The following ZNF268 variants were observed in gnomAD, a reference collection of about 807,000 sequenced individuals.
The protein encoded by ZNF268 is zinc finger protein 268, also known as zinc finger protein 3.
In ZNF268, 20 loss-of-function variants were observed where a neutral mutation model predicts 29.3. The ratio of observed to expected loss-of-function variants is 0.68; its 90% confidence interval spans 0.48 to 0.99. The LOEUF is 0.99. ZNF268 is among the 50% of genes least tolerant of loss of function. The pLI is 0.00. For synonymous variants in ZNF268, 429 were observed against 376.9 expected, an observed-to-expected ratio of 1.14 and a Z score of -1.60; for missense variants, 1,240 against 1,121.6, an observed-to-expected ratio of 1.11 and a Z score of -1.51.
rs925940363 is a variant in ZNF268 at position 133,212,367 on chromosome 12, C to A, written c.*7837C>A. On this transcript the variant is annotated 3_prime_UTR_variant, in exon 6 of 6. Coordinates refer to ENST00000536435, the MANE Select transcript of ZNF268 (RefSeq NM_003415.3). ...ATGAACAAAAAGGCCACTTATCACT[C>A]CAGGAGAGCAGGGTGTTCTTTCATC... is the stretch of plus-strand genomic sequence containing the variant. 2 of 150,324 alleles carry A rather than the reference C, an allele frequency of 1.3e-5. No individual in the cohort carries two copies. The highest frequency in any genetic ancestry group is 6.7e-5 in the Admixed American group (1 of 15,008). 9.3% of individuals were successfully genotyped at this position (150,324 alleles called of 1,614,324 possible).
At chr12:133,189,590 T>C (rs1956413052) in intron 3 of ZNF268, among the ~76,000 whole-genome samples, 1 of 152,206 alleles carries the variant, frequency 6.6e-6, no homozygotes, top group African/African-American at 2.4e-5. Context: ...ATTGACCATG[T>C]ATCCTGTGAC....
chr12:133,212,481 ATATATATATATATATATG>A lies in ZNF268; in HGVS notation c.*7960_*7977del, dbSNP rs1246661429. ...TATATATATATATATATATATATAT[ATATATATATATATATATG>A]TATATATACACACACACATACACAC... is the stretch of plus-strand genomic sequence containing the variant. On this transcript the variant is annotated 3_prime_UTR_variant, in exon 6 of 6. Transcript: ENST00000536435. 0.038 allele frequency: 731 copies of A among 19,078 alleles called. 14 individuals carry two copies. The highest frequency in any genetic ancestry group is 0.19 in the African/African-American group (535 of 2,842). 1.2% of individuals were successfully genotyped at this position (19,078 alleles called of 1,614,324 possible).
intron 5 of ZNF268, chr12:133,193,451 G>C: frequency 2.9e-6 from 2 of 692,662 alleles, no homozygotes; most frequent in East Asian, 5.4e-5. Context: ...AAAGTCCAAA[G>C]CCAAGGTGCT....
chr12:133,200,215 C>T (rs1320325438), intron 5 of ZNF268, among the ~76,000 whole-genome samples: 2 of 152,114 alleles, frequency 1.3e-5, no homozygotes, highest in East Asian at 3.8e-4. Flanking sequence ...CCCAGAGATT[C>T]TGGTATGTTG....
chr12:133,213,226 C>T lies in ZNF268; in HGVS notation c.*8696C>T, dbSNP rs1195277338. 2 of 152,152 alleles carry T rather than the reference C, an allele frequency of 1.3e-5. No individual in the cohort carries two copies. The highest frequency in any genetic ancestry group is 2.9e-5 in the Non-Finnish European group (2 of 68,036). 9.4% of individuals were successfully genotyped at this position (152,152 alleles called of 1,614,324 possible). On this transcript the variant is annotated 3_prime_UTR_variant, in exon 6 of 6. Coordinates refer to ENST00000536435, the MANE Select transcript of ZNF268 (RefSeq NM_003415.3). ...TCATTGTGGTTTTGATTTTCCTTTA[C>T]CTAATGGCTAGTGATGTTGAAAATC...
At position 133,202,974 on chromosome 12, in the gene ZNF268, A is replaced by T; in HGVS notation, c.1288A>T (p.Asn430Tyr). Residue 430 changes from asparagine to tyrosine, a missense_variant, in exon 6 of 6, where the codon AAC becomes TAC. By Grantham distance (143) the Asn-to-Tyr change is moderately radical. Around this residue, in one of 3 missense-constraint regions of ZNF268, gnomAD observed 1,177 missense variants for 1,039.6 expected, o/e 1.13. Transcript: ENST00000536435. ...TCAGAAAGCCTTTAATACAAAGTCAAACCTTATGGTACATCAGAGAACCCA... is the reference window on the plus strand; with the variant it reads ...TCAGAAAGCCTTTAATACAAAGTCATACCTTATGGTACATCAGAGAACCCA... The part of the protein sequence containing the change: ...ECQKAFNTKS[N>Y]LMVHQRTHTG... 1 of 1,548,508 alleles carries T rather than the reference A, an allele frequency of 6.5e-7. No individual in the cohort carries two copies. Among genetic ancestry groups the T allele is most frequent in the Non-Finnish European group, 8.7e-7 (1 of 1,152,078 alleles).
chr12:133,190,856 G>C (rs1406039054), intron 3 of ZNF268, among the ~76,000 whole-genome samples: 1 of 152,040 alleles, frequency 6.6e-6, no homozygotes, highest in Non-Finnish European at 1.5e-5. Context: ...GCTTCTTGGT[G>C]GCAGGACTGT....
intron 5 of ZNF268, among the ~76,000 whole-genome samples, chr12:133,195,350 C>T (rs565471063): frequency 6.6e-6 from 1 of 152,260 alleles, no homozygotes; most frequent in South Asian, 2.1e-4. Flanking sequence ...GGTCTCGAAT[C>T]ATGTTTAAAT....
At position 133,203,700 on chromosome 12, in the gene ZNF268, C is replaced by A; in HGVS notation, c.2014C>A (p.Gln672Lys). Reference protein sequence around the residue: ...HTGVKPYGCSQCAKTFSLKSQ... With the variant: ...HTGVKPYGCSKCAKTFSLKSQ... ...TGGAGTAAAACCCTATGGATGCAGT[C>A]AATGTGCAAAAACCTTTAGTTTGAA... The change falls in exon 6 of 6, where the codon CAA (glutamine) becomes AAA (lysine). Residue 672 changes from glutamine to lysine, a missense_variant. Gln to Lys is a moderately conservative substitution (Grantham distance 53). This residue lies in a region of ZNF268 where 1,177 missense variants were observed against 1,039.6 expected (regional missense o/e 1.13). Coordinates refer to ENST00000536435, the MANE Select transcript of ZNF268 (RefSeq NM_003415.3). The A allele has an allele frequency of 6.5e-7, 1 of 1,546,856 alleles. No individual in the cohort carries two copies. Among genetic ancestry groups the A allele is most frequent in the Non-Finnish European group, 8.7e-7 (1 of 1,151,926 alleles).
intron 3 of ZNF268, 106 bp from the exon 4 acceptor site, chr12:133,191,382 AT>A: frequency 1.5e-6 from 2 of 1,328,588 alleles, no homozygotes; most frequent in Non-Finnish European, 2.1e-6. Flanking sequence ...TTTCAATACA[AT>A]TTTTGTTCTC....
intron 2 of ZNF268, among the ~76,000 whole-genome samples, chr12:133,186,568 G>A (rs1468438819): frequency 1.3e-5 from 2 of 151,958 alleles, no homozygotes; most frequent in African/African-American, 4.8e-5. Flanking sequence ...AGTAGAGACG[G>A]GGTTTTACTG....
chr12:133,191,830 C>G, intron 4 of ZNF268, 78 bp from the exon 5 acceptor site: 1 of 1,563,240 alleles, frequency 6.4e-7, no homozygotes, highest in Non-Finnish European at 8.8e-7. Flanking sequence ...TACCTCCAAA[C>G]CAAATCTTTC....
chr12:133,185,181 C>T (rs1956277987), intron 2 of ZNF268, among the ~76,000 whole-genome samples: 4 of 125,460 alleles, frequency 3.2e-5, no homozygotes, highest in Admixed American at 2.5e-4. Flanking sequence ...GAGACTCTGT[C>T]TCAAAAAAAA....
In ZNF268 at chr12:133,204,532, A is replaced by G; in HGVS notation, c.*2A>G. 6.7e-7 allele frequency: 1 copy of G among 1,486,054 alleles called. No individual in the cohort carries two copies. The highest frequency in any genetic ancestry group is 2.5e-5 in the East Asian group (1 of 40,380). 92.1% of individuals were successfully genotyped at this position (1,486,054 alleles called of 1,614,324 possible). A position where few individuals can be genotyped will look rare whatever the true frequency, so the allele number is the denominator to read the frequency against. ...ACTCATGTAGATGACAAACATTGATAATTTTACGAAACTCTGAAAAGTGGA... is the reference window on the plus strand; with the variant it reads ...ACTCATGTAGATGACAAACATTGATGATTTTACGAAACTCTGAAAAGTGGA... On this transcript the variant is annotated 3_prime_UTR_variant, in exon 6 of 6. Transcript: ENST00000536435.
chr12:133,192,849 C>T (rs1418417118), intron 5 of ZNF268, among the ~76,000 whole-genome samples: 1 of 152,112 alleles, frequency 6.6e-6, no homozygotes, highest in Non-Finnish European at 1.5e-5. Flanking sequence ...TTTGTAGATA[C>T]AGGGTTTCAC....
chr12:133,188,176 C>G, intron 3 of ZNF268, 104 bp downstream of exon 3: 1 of 1,068,964 alleles, frequency 9.4e-7, no homozygotes, highest in African/African-American at 1.6e-5. Context: ...AAGTTAATCA[C>G]TCCTCAGTTC....
intron 3 of ZNF268, 122 bp from the exon 4 acceptor site, chr12:133,191,367 G>C (rs2135497220): frequency 1.9e-6 from 2 of 1,079,542 alleles, no homozygotes; most frequent in African/African-American, 1.6e-5. Context: ...CACATTGATG[G>C]ATGTTTTCAA....
chr12:133,205,063 AT>A lies in ZNF268; in HGVS notation c.*534del, dbSNP rs1196029877. 6.6e-6 allele frequency: 1 copy of A among 150,896 alleles called. No individual in the cohort carries two copies. The highest frequency in any genetic ancestry group is 1.5e-5 in the Non-Finnish European group (1 of 67,868). 9.3% of individuals were successfully genotyped at this position (150,896 alleles called of 1,614,324 possible). A position where few individuals can be genotyped will look rare whatever the true frequency, so the allele number is the denominator to read the frequency against. ...GAAATGAGAAACCCCTAGGGAAAAA[AT>A]ATATATAGGAGTGAACATCTTATGA... On this transcript the variant is annotated 3_prime_UTR_variant, in exon 6 of 6. Transcript: ENST00000536435.
intron 5 of ZNF268, among the ~76,000 whole-genome samples, chr12:133,200,529 A>G (rs1956728339): frequency 6.6e-6 from 1 of 152,170 alleles, no homozygotes; most frequent in South Asian, 2.1e-4. Flanking sequence ...AGAGTTCTGT[A>G]GATGTCTATT....
Sources: allele counts gnomAD v4.1 joint callset (sites outside exome capture counted in the v4.1 genomes callset), GRCh38; gene constraint gnomAD v4.1.1; regional missense constraint gnomAD v4.1.1; transcripts MANE v1.5; gene names NCBI Gene and HGNC (gene_info 2026-07-23, HGNC 2026-07-21).